BBS9: variants seen among roughly 807,000 people sequenced by gnomAD.
BBS9 encodes the protein protein PTHB1.
Under a neutral mutation model 117.7 loss-of-function variants are expected in BBS9, and 89 were observed. The observed-to-expected ratio is 0.76, with a 90% CI of 0.64 to 0.90. BBS9 has a LOEUF of 0.90. Among genes scored for constraint, BBS9 ranks in the 40% least tolerant of loss-of-function variants. The probability of loss-of-function intolerance (pLI) is 0.00; values close to 1 mark genes in which losing one functional copy is unlikely to be tolerated. For missense variants in BBS9, 982 were observed against 1,042.2 expected, an observed-to-expected ratio of 0.94 and a Z score of 0.80; for synonymous variants, 379 against 370.9, an observed-to-expected ratio of 1.02 and a Z score of -0.25.
At chr7:33,521,758 T>TA (rs1392152548) in intron 20 of BBS9, among the ~76,000 whole-genome samples, 3 of 151,932 alleles carry the variant, frequency 2.0e-5, no homozygotes, top group Non-Finnish European at 4.4e-5. Context: ...TTTTTTTTTT[T>TA]ATTATACTTT....
chr7:33,470,129 C>T (rs1242132177), intron 19 of BBS9, among the ~76,000 whole-genome samples: 1 of 152,052 alleles, frequency 6.6e-6, no homozygotes, highest in Admixed American at 6.6e-5. Flanking sequence ...TGCCTGGGGT[C>T]ATGGCAGGTC....
At chr7:33,519,158 C>T (rs1585099257) in intron 20 of BBS9, among the ~76,000 whole-genome samples, 2 of 152,222 alleles carry the variant, frequency 1.3e-5, no homozygotes, top group South Asian at 2.1e-4. Context: ...TTTTTAGACA[C>T]GTTTTTCCCT....
chr7:33,257,171 G>A (rs1797205771), intron 5 of BBS9, 65 bp from the exon 6 acceptor site: 1 of 1,139,222 alleles, frequency 8.8e-7, no homozygotes, highest in Non-Finnish European at 1.2e-6. Context: ...TGTAGATAGT[G>A]ATTAATAAAA....
At chr7:33,467,422 T>A (rs1016001853) in intron 19 of BBS9, among the ~76,000 whole-genome samples, 1 of 152,122 alleles carries the variant, frequency 6.6e-6, no homozygotes, top group Non-Finnish European at 1.5e-5. Context: ...TTAACTTTAA[T>A]TCATTTGTGA....
chr7:33,506,691 C>T (rs1846196629), intron 20 of BBS9, among the ~76,000 whole-genome samples: 1 of 152,078 alleles, frequency 6.6e-6, no homozygotes, highest in South Asian at 2.1e-4. Context: ...GAATATTCTA[C>T]AGTTAGGTCA....
At chr7:33,457,593 A>G (rs141436598) in intron 19 of BBS9, among the ~76,000 whole-genome samples, 1 of 152,300 alleles carries the variant, frequency 6.6e-6, no homozygotes, top group East Asian at 1.9e-4. Flanking sequence ...ATAAGATATA[A>G]TTTACACTAA....
intron 21 of BBS9, among the ~76,000 whole-genome samples, chr7:33,624,085 C>G (rs530229889): frequency 6.6e-6 from 1 of 152,128 alleles, no homozygotes; most frequent in South Asian, 2.1e-4. Context: ...TAATTTCCCT[C>G]ATGATTCTGA....
At chr7:33,162,296 A>G (rs1794981695) in intron 4 of BBS9, among the ~76,000 whole-genome samples, 1 of 152,192 alleles carries the variant, frequency 6.6e-6, no homozygotes, top group South Asian at 2.1e-4. Flanking sequence ...ACCATTTATT[A>G]AATAGGGTAT....
At chr7:33,559,759 A>G (rs1487188062) in intron 21 of BBS9, among the ~76,000 whole-genome samples, 1 of 151,830 alleles carries the variant, frequency 6.6e-6, no homozygotes, top group Non-Finnish European at 1.5e-5. Flanking sequence ...ATCTGCCACG[A>G]CTCGTGAGTC....
rs1430327350 is a variant in BBS9, at chr7:33,280,884, A to AAG, written c.1016+6929_1016+6930dup. Among the ~76,000 whole-genome samples, 6 of 130,062 alleles carry AAG rather than the reference A, an allele frequency of 4.6e-5. No individual in the cohort carries two copies. In the East Asian group the frequency reaches 1.4e-3, roughly 31 times the overall value. The allele number at this position is 130,062 out of a possible 152,430, so 85.3% of individuals were successfully genotyped here. ...AAAGTGACATTTTCTTTTTTGGTTT[A>AAG]AGTTTTGCTGTTAATTTGTCGTTTT... is the stretch of plus-strand genomic sequence containing the variant. On this transcript the variant is annotated intron_variant, in intron 9 of 22. Transcript: ENST00000242067.
At chr7:33,322,627 T>C (rs1811974918) in intron 9 of BBS9, among the ~76,000 whole-genome samples, 1 of 151,768 alleles carries the variant, frequency 6.6e-6, no homozygotes. Flanking sequence ...GGGCCTTCTG[T>C]CTTTTTTTCT....
Position 33,501,010 on chromosome 7 carries a change from C to T in BBS9, c.2116-4453C>T, listed in dbSNP as rs564495686. Among the ~76,000 whole-genome samples, 22 of 152,170 alleles carry T rather than the reference C, an allele frequency of 1.4e-4. 1 individual carries two copies. Among genetic ancestry groups the T allele is most frequent in the Non-Finnish European group, 2.4e-4 (16 of 68,040 alleles). ...GCCATCAACACATTGTGCTTGAAAT[C>T]GTTAGCATTTATTGTTTCCTAAACC... On this transcript the variant is annotated intron_variant, in intron 19 of 22. Transcript: ENST00000242067.
intron 5 of BBS9, among the ~76,000 whole-genome samples, chr7:33,232,390 A>T (rs367779087): frequency 6.6e-6 from 1 of 152,172 alleles, no homozygotes; most frequent in Non-Finnish European, 1.5e-5. Flanking sequence ...ATAGAAATAC[A>T]TGTACTTTTA....
At chr7:33,634,262 AC>A (rs1230309801) in intron 21 of BBS9, among the ~76,000 whole-genome samples, 1 of 152,156 alleles carries the variant, frequency 6.6e-6, no homozygotes, top group Admixed American at 6.5e-5. Flanking sequence ...GGAGGACAAG[AC>A]CCAACAGAGC....
At chr7:33,604,836 T>C (rs1864339218) in intron 21 of BBS9, 29 bp from the exon 22 acceptor site, 1 of 1,517,218 alleles carries the variant, frequency 6.6e-7, no homozygotes, top group Non-Finnish European at 9.1e-7. Context: ...TACACATTGC[T>C]TAAAATATTG....
At chr7:33,138,340 T>A (rs899267825) in intron 1 of BBS9, among the ~76,000 whole-genome samples, 1 of 151,136 alleles carries the variant, frequency 6.6e-6, no homozygotes, top group African/African-American at 2.4e-5. Flanking sequence ...AGAGGTCCTC[T>A]GAAAAAGAAG....
chr7:33,383,858 AC>A lies in BBS9; in HGVS notation c.1962+21del. ...TTTGAGGTATGTATGATCATAACCCACATCATCTATAATCCTTAAATATATG... is the reference window on the plus strand; with the variant it reads ...TTTGAGGTATGTATGATCATAACCCAATCATCTATAATCCTTAAATATATG... On this transcript the variant is annotated intron_variant, in intron 18 of 22. Coordinates refer to ENST00000242067, the MANE Select transcript of BBS9 (RefSeq NM_198428.3). 6.2e-7 allele frequency: 1 copy of A among 1,604,342 alleles called. No individual in the cohort carries two copies. Among genetic ancestry groups the A allele is most frequent in the Non-Finnish European group, 8.5e-7 (1 of 1,173,756 alleles).
At chr7:33,177,202 CT>C (rs1285551975) in intron 4 of BBS9, among the ~76,000 whole-genome samples, 4 of 152,052 alleles carry the variant, frequency 2.6e-5, no homozygotes, top group Admixed American at 2.0e-4. Flanking sequence ...AATAATTACA[CT>C]TTACTCAGAT....
intron 5 of BBS9, among the ~76,000 whole-genome samples, chr7:33,206,671 A>G (rs1374530406): frequency 6.6e-6 from 1 of 152,180 alleles, no homozygotes; most frequent in East Asian, 1.9e-4. Flanking sequence ...TAACCACAGT[A>G]CAGTTATCAG....
Sources: allele counts gnomAD v4.1 joint callset (sites outside exome capture counted in the v4.1 genomes callset), GRCh38; gene constraint gnomAD v4.1.1; transcripts MANE v1.5; gene names NCBI Gene and HGNC (gene_info 2026-07-23, HGNC 2026-07-21).